The following CDIP1 variants were observed in gnomAD, a reference collection of about 807,000 sequenced individuals.
The protein encoded by CDIP1 is cell death inducing p53 target 1, also known as cell death-inducing p53-target protein 1.
In CDIP1, 9 loss-of-function variants were observed where a neutral mutation model predicts 17.7. The observed-to-expected ratio is 0.51, with a 90% CI of 0.31 to 0.89. The LOEUF (loss-of-function observed/expected upper bound fraction) is 0.89. Ranked by LOEUF, CDIP1 falls within the 40% of genes least tolerant of loss-of-function variation. The pLI is 0.05. For missense variants in CDIP1, 263 were observed against 277.9 expected (o/e 0.95, Z 0.38); for synonymous variants, 117 against 109.5 (o/e 1.07, Z -0.43).
Position 4,512,263 on chromosome 16 carries a change from A to G in CDIP1, c.*309T>C, listed in dbSNP as rs1450953625. On this transcript the variant is annotated 3_prime_UTR_variant, in exon 6 of 6. Coordinates refer to ENST00000567695, the MANE Select transcript of CDIP1 (RefSeq NM_013399.3). This position sits in a 1 kb window ranked among gnomAD's most constrained non-coding sequence, Gnocchi z 4.6. ...GAACCTGTACCTTGTTTGGAAACAG[A>G]GGCATCAGGACCCCAGCAGGAGACC... 4 of 456,438 alleles carry G rather than the reference A, an allele frequency of 8.8e-6. No homozygotes were observed. The highest frequency in any genetic ancestry group is 7.9e-5 in the African/African-American group (4 of 50,626). The allele number at this position is 456,438 out of a possible 1,614,324, so 28.3% of individuals were successfully genotyped here.
chr16:4,529,414 C>T lies in CDIP1; in HGVS notation c.-105+9288G>A, dbSNP rs80120056. 8.2e-3 allele frequency among the ~76,000 whole-genome samples: 1,254 copies of T among 152,262 alleles called. 18 individuals are homozygous for T. The highest frequency in any genetic ancestry group is 0.029 in the African/African-American group (1,186 of 41,544). Reference sequence around the variant, plus strand: ...GGCCTCCCAACTCGCCCAGTGATCTCGCCAGGACTCTGAACTACCTCCCAG... The same window carrying T: ...GGCCTCCCAACTCGCCCAGTGATCTTGCCAGGACTCTGAACTACCTCCCAG... On this transcript the variant is annotated intron_variant, in intron 1 of 5. Coordinates refer to ENST00000567695, the MANE Select transcript of CDIP1 (RefSeq NM_013399.3).
intron 1 of CDIP1, among the ~76,000 whole-genome samples, chr16:4,516,051 A>G (rs925770008): frequency 1.3e-5 from 2 of 152,236 alleles, no homozygotes; most frequent in African/African-American, 4.8e-5. Flanking sequence ...AAGTGGATAA[A>G]CAAAACCGTA....
chr16:4,517,944 A>G (rs772357225), intron 1 of CDIP1, among the ~76,000 whole-genome samples: 7 of 152,166 alleles, frequency 4.6e-5, no homozygotes, highest in Non-Finnish European at 1.0e-4. Flanking sequence ...CCCTGCTACA[A>G]ACTCCCAGAC....
At chr16:4,531,995 G>A (rs2059061128) in intron 1 of CDIP1, among the ~76,000 whole-genome samples, 1 of 152,250 alleles carries the variant, frequency 6.6e-6, no homozygotes, top group Admixed American at 6.5e-5. Context: ...TCTAGCAGGG[G>A]GAGTGCCTCT....
At position 4,512,903 on chromosome 16, in the gene CDIP1, C is replaced by T; in HGVS notation, c.403G>A (p.Gly135Arg). ...GGACACACCGTCTGCACAGGCGCTC[C>T]CTCAAAGATCTCTCCCTGCAGCACT... Reference protein sequence around the residue: ...VTVLQGEIFEGAPVQTVCPHC... With the variant: ...VTVLQGEIFERAPVQTVCPHC... The change falls in exon 5 of 6, where the codon GGA becomes AGA. Residue 135 changes from glycine (G) to arginine (R), a missense_variant. Gly to Arg is a moderately radical substitution (Grantham distance 125). Coordinates refer to ENST00000567695, the MANE Select transcript of CDIP1 (RefSeq NM_013399.3). The surrounding 1 kb of genome is among the most constrained non-coding windows in gnomAD (Gnocchi z 4.6). 1 of 1,571,776 alleles carries T rather than the reference C, an allele frequency of 6.4e-7. No homozygotes were observed. The highest frequency in any genetic ancestry group is 8.6e-7 in the Non-Finnish European group (1 of 1,158,384).
At chr16:4,531,672 T>C (rs1166810104) in intron 1 of CDIP1, among the ~76,000 whole-genome samples, 1 of 152,228 alleles carries the variant, frequency 6.6e-6, no homozygotes, top group Non-Finnish European at 1.5e-5. Context: ...CCCAGCTGCC[T>C]GGAGATGACA....
At chr16:4,535,620 G>A (rs539292541) in intron 1 of CDIP1, among the ~76,000 whole-genome samples, 3 of 152,370 alleles carry the variant, frequency 2.0e-5, no homozygotes, top group Middle Eastern at 3.4e-3. Context: ...CAACATGACA[G>A]AGAGGTCTCC....
Position 4,513,747 on chromosome 16 carries a change from G to C in CDIP1, c.190C>G (p.Pro64Ala). ...CTCATGTGTGGTGGGATGAAGCCAG[G>C]CTGGGGCATTGGGTGACCCGGCGGC... ...YEPPGHPMPQ[P>A]GFIPPHMSAD... is the part of the protein sequence containing the mutation. The change falls in exon 4 of 6, where the codon CCT becomes GCT. Residue 64 changes from proline (P) to alanine (A), a missense_variant. Pro to Ala is a conservative substitution (Grantham distance 27). Coordinates refer to ENST00000567695, the MANE Select transcript of CDIP1 (RefSeq NM_013399.3). This position sits in a 1 kb window ranked among gnomAD's most constrained non-coding sequence, Gnocchi z 4.1. 3 of 1,613,682 alleles carry C rather than the reference G, an allele frequency of 1.9e-6. 1 individual carries two copies. Among genetic ancestry groups the C allele is most frequent in the South Asian group, 2.2e-5 (2 of 91,070 alleles).
intron 1 of CDIP1, among the ~76,000 whole-genome samples, chr16:4,523,217 A>AT (rs1174455907): frequency 6.6e-6 from 1 of 152,144 alleles, no homozygotes; most frequent in Non-Finnish European, 1.5e-5. Flanking sequence ...CAGGCTGGGG[A>AT]TTAAAGACAC....
At chr16:4,535,111 G>C (rs770282676) in intron 1 of CDIP1, among the ~76,000 whole-genome samples, 1 of 152,070 alleles carries the variant, frequency 6.6e-6, no homozygotes, top group Non-Finnish European at 1.5e-5. Flanking sequence ...GGCAGCTCTC[G>C]CACTCTTCTC....
intron 1 of CDIP1, among the ~76,000 whole-genome samples, chr16:4,515,324 A>G (rs931319840): frequency 6.6e-6 from 1 of 152,244 alleles, no homozygotes; most frequent in African/African-American, 2.4e-5. Flanking sequence ...GGGTTCAACT[A>G]TAAAGTACCA....
chr16:4,525,638 C>T (rs1170236208), intron 1 of CDIP1, among the ~76,000 whole-genome samples: 2 of 152,214 alleles, frequency 1.3e-5, no homozygotes, highest in South Asian at 4.1e-4. Context: ...TGTGGCCTTT[C>T]GCAGCTGACC....
intron 1 of CDIP1, among the ~76,000 whole-genome samples, chr16:4,529,572 A>G (rs542459805): frequency 6.6e-6 from 1 of 152,338 alleles, no homozygotes; most frequent in East Asian, 1.9e-4. Flanking sequence ...GTGAATAAAC[A>G]AGTCATCTGC....
intron 1 of CDIP1, among the ~76,000 whole-genome samples, chr16:4,518,511 C>G (rs1217915083): frequency 6.6e-6 from 1 of 152,166 alleles, no homozygotes; most frequent in Non-Finnish European, 1.5e-5. Context: ...CCGTGTCTTC[C>G]CCACCTAGGG....
intron 1 of CDIP1, among the ~76,000 whole-genome samples, chr16:4,535,419 A>G (rs1263982702): frequency 6.6e-6 from 1 of 152,222 alleles, no homozygotes; most frequent in East Asian, 1.9e-4. Context: ...AACTGCTTTC[A>G]AGGAAAGAAT....
At chr16:4,521,498 C>G (rs1283776013) in intron 1 of CDIP1, among the ~76,000 whole-genome samples, 3 of 151,988 alleles carry the variant, frequency 2.0e-5, no homozygotes, top group Non-Finnish European at 1.5e-5. Flanking sequence ...GTTTGTTGTT[C>G]TGGCAAGGCC....
rs1000322333 is a variant in CDIP1, at chr16:4,513,962, T to A, written c.85+84A>T. 89 of 1,335,818 alleles carry A rather than the reference T, an allele frequency of 6.7e-5. No homozygotes were observed. Among genetic ancestry groups the A allele is most frequent in the Non-Finnish European group, 9.1e-5 (89 of 981,734 alleles). The allele number at this position is 1,335,818 out of a possible 1,614,324, so 82.7% of individuals were successfully genotyped here. On this transcript the variant is annotated intron_variant, in intron 3 of 5. Coordinates refer to ENST00000567695, the MANE Select transcript of CDIP1 (RefSeq NM_013399.3). This position sits in a 1 kb window ranked among gnomAD's most constrained non-coding sequence, Gnocchi z 4.1. ...ATGGGGCCCAGGGGTAACCCTGGAG[T>A]GGGCATCACCACTTAGAGAGTCCCA...
intron 1 of CDIP1, among the ~76,000 whole-genome samples, chr16:4,537,821 G>GC (rs1373045959): frequency 6.6e-6 from 1 of 152,206 alleles, no homozygotes. Flanking sequence ...CTGTTGAGAA[G>GC]CCCCCCAAGG....
intron 1 of CDIP1, among the ~76,000 whole-genome samples, chr16:4,520,306 T>C (rs753710216): frequency 1.3e-5 from 2 of 152,174 alleles, no homozygotes; most frequent in Non-Finnish European, 2.9e-5. Flanking sequence ...GGTTTCACCA[T>C]GTTGACCAGG....
Sources: gnomAD v4.1 joint callset for allele counts (sites outside exome capture counted in the v4.1 genomes callset) on GRCh38, gnomAD v4.1.1 for gene constraint, Gnocchi (gnomAD v3.1) non-coding constraint, MANE v1.5 for transcripts, NCBI Gene and HGNC (gene_info 2026-07-23, HGNC 2026-07-21) for gene names.